Variants in CAMKMT observed in about 807,000 individuals in gnomAD.
The protein encoded by CAMKMT is CaM KMT.
In CAMKMT, 53 loss-of-function variants were observed where a neutral mutation model predicts 48.0. That is an observed-to-expected ratio of 1.10 (90% CI 0.89 to 1.39). The LOEUF is 1.39. CAMKMT is among the 40% of genes most tolerant of loss of function. CAMKMT has a pLI of 0.00. For missense variants in CAMKMT, 428 were observed against 402.7 expected (o/e 1.06, Z -0.54); for synonymous variants, 165 against 152.3 (o/e 1.08, Z -0.61).
At chr2:44,539,710 A>T (rs993026738) in intron 3 of CAMKMT, among the ~76,000 whole-genome samples, 1 of 152,046 alleles carries the variant, frequency 6.6e-6, no homozygotes, top group Non-Finnish European at 1.5e-5. Flanking sequence ...TGAGGAGGCC[A>T]GTTATTTTGT....
intron 3 of CAMKMT, among the ~76,000 whole-genome samples, chr2:44,435,236 A>C (rs1261522665): frequency 6.6e-6 from 1 of 152,168 alleles, no homozygotes; most frequent in African/African-American, 2.4e-5. Flanking sequence ...CTCAGGCTTA[A>C]TGTACTTCAT....
intron 2 of CAMKMT, among the ~76,000 whole-genome samples, chr2:44,384,920 T>C (rs565496300): frequency 6.6e-6 from 1 of 152,326 alleles, no homozygotes; most frequent in South Asian, 2.1e-4. Flanking sequence ...GTGTGATGCC[T>C]CCAGATTTGT....
chr2:44,736,783 T>G (rs1044937977), intron 7 of CAMKMT, among the ~76,000 whole-genome samples: 2 of 152,330 alleles, frequency 1.3e-5, no homozygotes, highest in South Asian at 4.1e-4. Context: ...TCTAATCTGC[T>G]GTTAATCTTA....
intron 3 of CAMKMT, among the ~76,000 whole-genome samples, chr2:44,475,551 T>A (rs745420439): frequency 6.6e-6 from 1 of 151,980 alleles, no homozygotes; most frequent in Non-Finnish European, 1.5e-5. Context: ...CTCTTCACCT[T>A]GTGATCCGCC....
intron 3 of CAMKMT, among the ~76,000 whole-genome samples, chr2:44,477,329 A>G (rs1668739415): frequency 6.6e-6 from 1 of 152,206 alleles, no homozygotes; most frequent in Admixed American, 6.5e-5. Flanking sequence ...GAACCAGTGG[A>G]TCTATATAAG....
chr2:44,451,327 T>C (rs1452769354), intron 3 of CAMKMT, among the ~76,000 whole-genome samples: 1 of 152,086 alleles, frequency 6.6e-6, no homozygotes, highest in East Asian at 1.9e-4. Flanking sequence ...TCATTTCTGA[T>C]ACATTAATGA....
chr2:44,660,118 A>G (rs1231847969), intron 3 of CAMKMT, among the ~76,000 whole-genome samples: 1 of 152,212 alleles, frequency 6.6e-6, no homozygotes, highest in Non-Finnish European at 1.5e-5. Flanking sequence ...AAGTAATTAT[A>G]TTTTCCAAAA....
chr2:44,598,411 G>T (rs1670793426), intron 3 of CAMKMT, among the ~76,000 whole-genome samples: 1 of 151,900 alleles, frequency 6.6e-6, no homozygotes, highest in Admixed American at 6.6e-5. Context: ...TGAAGTTCCA[G>T]TTTTCTCGTG....
intron 3 of CAMKMT, among the ~76,000 whole-genome samples, chr2:44,445,823 T>C (rs1296484745): frequency 1.3e-5 from 2 of 151,902 alleles, no homozygotes; most frequent in Non-Finnish European, 2.9e-5. Flanking sequence ...GTTTGTCTCT[T>C]CTTACTTTCA....
chr2:44,428,773 A>G (rs903945805), intron 3 of CAMKMT, among the ~76,000 whole-genome samples: 1 of 152,186 alleles, frequency 6.6e-6, no homozygotes, highest in Non-Finnish European at 1.5e-5. Context: ...GTTAACCATA[A>G]TAACTCAAAT....
chr2:44,754,728 C>T (rs1417458449), intron 9 of CAMKMT, among the ~76,000 whole-genome samples: 1 of 152,056 alleles, frequency 6.6e-6, no homozygotes, highest in Non-Finnish European at 1.5e-5. Flanking sequence ...GAGTAAATTA[C>T]AGAGTTTGTA....
chr2:44,644,162 G>C (rs546547232), intron 3 of CAMKMT, among the ~76,000 whole-genome samples: 39 of 152,294 alleles, frequency 2.6e-4, no homozygotes, highest in African/African-American at 8.9e-4. Flanking sequence ...ATCCAGTCTT[G>C]AGCTGTCAGT....
intron 3 of CAMKMT, among the ~76,000 whole-genome samples, chr2:44,693,914 G>T (rs1234406377): frequency 6.6e-6 from 1 of 152,192 alleles, no homozygotes; most frequent in Non-Finnish European, 1.5e-5. Flanking sequence ...TGACTCCTGT[G>T]TGATAGGCTT....
rs370843771 is a variant in CAMKMT, at chr2:44,460,582, C to G, written c.376+70277C>G. Among the ~76,000 whole-genome samples the G allele has an allele frequency of 1.3e-4, 20 of 152,218 alleles. No homozygotes were observed. In the South Asian group the frequency reaches 2.3e-3, roughly 17 times the overall value. On this transcript the variant is annotated intron_variant, in intron 3 of 10. Transcript: ENST00000378494. Reference sequence around the variant, plus strand: ...TGTTCATTTAAAAACATTTGTTGAGCACCCATTTATTTCAGGCACTGCATT... The same window carrying G: ...TGTTCATTTAAAAACATTTGTTGAGGACCCATTTATTTCAGGCACTGCATT...
At chr2:44,688,791 G>A (rs960762883) in intron 3 of CAMKMT, among the ~76,000 whole-genome samples, 7 of 152,126 alleles carry the variant, frequency 4.6e-5, no homozygotes, top group African/African-American at 1.4e-4. Context: ...TGATATGCTG[G>A]GACGTGCACC....
intron 3 of CAMKMT, among the ~76,000 whole-genome samples, chr2:44,496,879 T>C (rs567311293): frequency 1.3e-5 from 2 of 152,296 alleles, no homozygotes; most frequent in South Asian, 2.1e-4. Context: ...GGTAAAAACG[T>C]TTAGAGCTGC....
At chr2:44,399,918 G>C (rs1199225189) in intron 3 of CAMKMT, among the ~76,000 whole-genome samples, 1 of 152,124 alleles carries the variant, frequency 6.6e-6, no homozygotes, top group Non-Finnish European at 1.5e-5. Context: ...ACTCCCAAAA[G>C]TGCTCTGATT....
At chr2:44,629,934 C>G (rs1165911913) in intron 3 of CAMKMT, among the ~76,000 whole-genome samples, 1 of 151,966 alleles carries the variant, frequency 6.6e-6, no homozygotes, top group Admixed American at 6.6e-5. Context: ...GCCCACATTG[C>G]CAAGTCAATC....
chr2:44,460,081 C>T lies in CAMKMT; in HGVS notation c.376+69776C>T, dbSNP rs112344517. 1.7e-3 allele frequency among the ~76,000 whole-genome samples: 266 copies of T among 152,136 alleles called. No homozygotes were observed. The Middle Eastern group carries it at 0.027, about 16-fold the overall frequency. On this transcript the variant is annotated intron_variant, in intron 3 of 10. Transcript: ENST00000378494. Reference sequence around the variant, plus strand: ...TTAACTGACTGTGATTCCTAATATGCGAAACTAACATTGCTTAAAAACCCT... The same window carrying T: ...TTAACTGACTGTGATTCCTAATATGTGAAACTAACATTGCTTAAAAACCCT...
Sources: gnomAD v4.1 joint callset for allele counts (sites outside exome capture counted in the v4.1 genomes callset) on GRCh38, gnomAD v4.1.1 for gene constraint, MANE v1.5 for transcripts, NCBI Gene and HGNC (gene_info 2026-07-23, HGNC 2026-07-21) for gene names.